SLC6A9: variants seen among roughly 807,000 people sequenced by gnomAD.
The protein encoded by SLC6A9 is sodium- and chloride-dependent glycine transporter 1.
Under a neutral mutation model 70.9 loss-of-function variants are expected in SLC6A9, and 31 were observed. The observed-to-expected ratio is 0.44, with a 90% CI of 0.33 to 0.59. The LOEUF is 0.59. SLC6A9 is among the 20% of genes least tolerant of loss of function. SLC6A9 has a pLI of 0.04. For missense variants in SLC6A9, 631 were observed against 845.2 expected, an observed-to-expected ratio of 0.75 and a Z score of 3.14; for synonymous variants, 310 against 341.3, an observed-to-expected ratio of 0.91 and a Z score of 1.01.
intron 5 of SLC6A9, among the ~76,000 whole-genome samples, chr1:44,004,454 T>C (rs895877966): frequency 6.6e-6 from 1 of 152,136 alleles, no homozygotes; most frequent in African/African-American, 2.4e-5. Flanking sequence ...CAATCGATCC[T>C]CCCACCTCAG....
intron 2 of SLC6A9, among the ~76,000 whole-genome samples, chr1:44,021,687 G>A (rs1312844246): frequency 6.6e-6 from 1 of 152,222 alleles, no homozygotes; most frequent in African/African-American, 2.4e-5. Flanking sequence ...CCTCTCTTCT[G>A]ATCTACCAGG....
Position 44,017,408 on chromosome 1 carries a change from C to CACAG in SLC6A9, c.31-6527_31-6526insCTGT, listed in dbSNP as rs1553163830. On this transcript the variant is annotated intron_variant, in intron 2 of 13. Transcript: ENST00000372310. ...ACACACACACACACACACACACACA[C>CACAG]AGACTGGGGCAGAGCAGGCGAGAGG... 1.5e-4 allele frequency: 145 copies of CACAG among 958,282 alleles called. No homozygotes were observed. The African/African-American group carries it at 2.4e-3, about 16-fold the overall frequency. The allele number at this position is 958,282 out of a possible 1,614,324, so 59.4% of individuals were successfully genotyped here. A position where few individuals can be genotyped will look rare whatever the true frequency, so the allele number is the denominator to read the frequency against.
chr1:44,018,484 C>T lies in SLC6A9; in HGVS notation c.30+5764G>A, dbSNP rs1026284611. Among the ~76,000 whole-genome samples the T allele has an allele frequency of 2.0e-5, 3 of 151,972 alleles. No homozygotes were observed. Among genetic ancestry groups the T allele is most frequent in the African/African-American group, 4.8e-5 (2 of 41,382 alleles). On this transcript the variant is annotated intron_variant, in intron 2 of 13. Coordinates refer to ENST00000372310, the MANE Select transcript of SLC6A9 (RefSeq NM_001024845.3). The surrounding 1 kb of genome is among the most constrained non-coding windows in gnomAD (Gnocchi z 4.2). ...TGGCACATGCCTGTAATCCCAGCTA[C>T]TCGGGAGGCTGAGGCGGGAGAATCG... is the stretch of plus-strand genomic sequence containing the variant.
chr1:44,010,456 CGGGGGGGGGG>C (rs61601279), intron 3 of SLC6A9: 1 of 53,408 alleles, frequency 1.9e-5, no homozygotes, highest in Non-Finnish European at 5.5e-5. Context: ...GCCTTGTGGG[CGGGGGGGGGG>C]GGGGGTTAGG....
intron 1 of SLC6A9, among the ~76,000 whole-genome samples, chr1:44,028,995 G>A (rs556752540): frequency 1.3e-5 from 2 of 152,296 alleles, no homozygotes; most frequent in Admixed American, 6.5e-5. Flanking sequence ...GGTTTCTGCT[G>A]GTGCAGTGGG....
chr1:44,013,985 C>T lies in SLC6A9; in HGVS notation c.31-3103G>A, dbSNP rs2086658341. ...GCTGTGTCACTGATATGAACTGTCC[C>T]TGCAGTGGTCATCAGCTGAGGTACC... On this transcript the variant is annotated intron_variant, in intron 2 of 13. Coordinates refer to ENST00000372310, the MANE Select transcript of SLC6A9 (RefSeq NM_001024845.3). The surrounding 1 kb of genome is among the most constrained non-coding windows in gnomAD (Gnocchi z 5.3). 6.6e-6 allele frequency among the ~76,000 whole-genome samples: 1 copy of T among 152,150 alleles called. No homozygotes were observed. Among genetic ancestry groups the T allele is most frequent in the African/African-American group, 2.4e-5 (1 of 41,438 alleles).
In SLC6A9 at chr1:44,010,083, G is replaced by C. The variant is rs767654640; in HGVS notation, c.201C>G (p.Phe67Leu). 8.7e-6 allele frequency: 14 copies of C among 1,613,962 alleles called. No homozygotes were observed. The highest frequency in any genetic ancestry group is 1.2e-5 in the Non-Finnish European group (14 of 1,179,922). Residue 67 changes from phenylalanine to leucine, a missense_variant, in exon 4 of 14, where the codon TTC becomes TTG. Coordinates refer to ENST00000372310, the MANE Select transcript of SLC6A9 (RefSeq NM_001024845.3). The stretch of plus-strand genomic sequence containing the variant: ...AGAAGATGAGCATGATGAAGTAGGG[G>C]AACATGAAGGCGCCTGGTAGGCAGG... ...CYRNGGGAFM[F>L]PYFIMLIFCG...
In SLC6A9 at chr1:43,997,912, G is replaced by A. The variant is rs1375030381; in HGVS notation, c.1650C>T (p.Cys550=). The A allele has an allele frequency of 1.2e-6, 2 of 1,614,150 alleles. No individual in the cohort carries two copies. Among genetic ancestry groups the A allele is most frequent in the South Asian group, 1.1e-5 (1 of 91,090 alleles). ...GCCGGAACATGGCGTAGAGGGGGAT[G>A]CAGAGGACGGAGGACAGAGCCATGA... ...GFLMALSSVL[C]IPLYAMFRLC... is the part of the protein sequence containing the mutation. Residue 550 remains cysteine, a synonymous_variant, in exon 13 of 14, where the codon TGC becomes TGT. Transcript: ENST00000372310. The surrounding 1 kb of genome is among the most constrained non-coding windows in gnomAD (Gnocchi z 4.4).
At chr1:44,023,672 T>C (rs1346653199) in intron 2 of SLC6A9, among the ~76,000 whole-genome samples, 1 of 151,670 alleles carries the variant, frequency 6.6e-6, no homozygotes, top group Non-Finnish European at 1.5e-5. Flanking sequence ...AAAAAGAATC[T>C]CATCCACCCC....
At chr1:44,026,670 A>G (rs1470670171) in intron 1 of SLC6A9, among the ~76,000 whole-genome samples, 3 of 151,880 alleles carry the variant, frequency 2.0e-5, no homozygotes, top group South Asian at 4.2e-4. Context: ...AAAAAAAAAA[A>G]GAGCCACAAA....
intron 12 of SLC6A9, 44 bp from the exon 13 acceptor site, chr1:43,998,069 G>GCCCAGAC (rs1482925713): frequency 1.9e-6 from 3 of 1,548,360 alleles, no homozygotes; most frequent in East Asian, 2.3e-5. Flanking sequence ...CCGACCCAGA[G>GCCCAGAC]CCCAGACCCC....
At position 44,002,295 on chromosome 1, in the gene SLC6A9, C is replaced by T; in HGVS notation, c.962+18G>A. 6.3e-7 allele frequency: 1 copy of T among 1,587,440 alleles called. No homozygotes were observed. Among genetic ancestry groups the T allele is most frequent in the African/African-American group, 1.3e-5 (1 of 74,534 alleles). On this transcript the variant is annotated intron_variant, in intron 8 of 13. Coordinates refer to ENST00000372310, the MANE Select transcript of SLC6A9 (RefSeq NM_001024845.3). This position sits in a 1 kb window ranked among gnomAD's most constrained non-coding sequence, Gnocchi z 5.5. ...AGTGCAGGAAGGGGGCAGCCTCAGC[C>T]CAGCAGGGAGCACTCACCGGTAACA...
chr1:44,004,794 T>C (rs1187476530), intron 5 of SLC6A9, among the ~76,000 whole-genome samples: 3 of 152,230 alleles, frequency 2.0e-5, no homozygotes, highest in Non-Finnish European at 4.4e-5. Context: ...TTGGACCACA[T>C]GCTTTTGAGA....
chr1:44,021,167 C>A (rs913749819), intron 2 of SLC6A9, among the ~76,000 whole-genome samples: 3 of 152,168 alleles, frequency 2.0e-5, no homozygotes. Flanking sequence ...ACCTAGGTGG[C>A]CCTGCTCCGC....
rs1022450805 is a variant in SLC6A9 at position 44,018,862 on chromosome 1, G to A, written c.30+5386C>T. Among the ~76,000 whole-genome samples, 2 of 152,076 alleles carry A rather than the reference G, an allele frequency of 1.3e-5. No individual in the cohort carries two copies. Among genetic ancestry groups the A allele is most frequent in the Admixed American group, 1.3e-4 (2 of 15,268 alleles). The stretch of plus-strand genomic sequence containing the variant: ...GGAGTTTTGCTTGAGCCCAGACGTT[G>A]GAAGTTGTAGTGAGCTATGATCACA... On this transcript the variant is annotated intron_variant, in intron 2 of 13. Coordinates refer to ENST00000372310, the MANE Select transcript of SLC6A9 (RefSeq NM_001024845.3). The surrounding 1 kb of genome is among the most constrained non-coding windows in gnomAD (Gnocchi z 4.2).
At chr1:44,006,605 A>AG in intron 5 of SLC6A9, among the ~76,000 whole-genome samples, 1 of 151,790 alleles carries the variant, frequency 6.6e-6, no homozygotes, top group East Asian at 1.9e-4. Flanking sequence ...AAAAAAAAAA[A>AG]AAAAAGAAAT....
intron 5 of SLC6A9, among the ~76,000 whole-genome samples, chr1:44,006,179 A>G (rs943413221): frequency 2.0e-5 from 3 of 152,070 alleles, no homozygotes; most frequent in African/African-American, 7.2e-5. Flanking sequence ...ATGTAATAAA[A>G]CGCCTCACTC....
chr1:44,010,693 G>A, intron 3 of SLC6A9, 33 bp downstream of exon 3: 1 of 1,607,638 alleles, frequency 6.2e-7, no homozygotes, highest in Non-Finnish European at 8.5e-7. Context: ...CTCTACCCAA[G>A]TGGGTGGTCC....
chr1:44,015,097 T>C (rs531181085), intron 2 of SLC6A9, among the ~76,000 whole-genome samples: 2 of 152,318 alleles, frequency 1.3e-5, no homozygotes, highest in African/African-American at 4.8e-5. Flanking sequence ...GCCCTTTTTT[T>C]TCCTGATTAT....
Sources: gnomAD v4.1 joint callset for allele counts (sites outside exome capture counted in the v4.1 genomes callset) on GRCh38, gnomAD v4.1.1 for gene constraint, Gnocchi (gnomAD v3.1) non-coding constraint, MANE v1.5 for transcripts, NCBI Gene and HGNC (gene_info 2026-07-23, HGNC 2026-07-21) for gene names.